Variants in DYNC1I1 observed in about 807,000 individuals in gnomAD.
The protein encoded by DYNC1I1 is dynein cytoplasmic 1 intermediate chain 1.
In DYNC1I1, 43 loss-of-function variants were observed where a neutral mutation model predicts 86.6. The observed-to-expected ratio is 0.50, with a 90% CI of 0.39 to 0.64. DYNC1I1 has a LOEUF of 0.64. DYNC1I1 is among the 30% of genes least tolerant of loss of function. The pLI, the probability that DYNC1I1 is intolerant of heterozygous loss-of-function variation, is 0.00. For synonymous variants in DYNC1I1, 262 were observed against 283.7 expected (o/e 0.92, Z 0.77); for missense variants, 604 against 788.8 (o/e 0.77, Z 2.81).
intron 1 of DYNC1I1, among the ~76,000 whole-genome samples, chr7:95,800,749 A>G (rs985771290): frequency 6.6e-6 from 1 of 152,186 alleles, no homozygotes; most frequent in Admixed American, 6.5e-5. Context: ...GCAGTTTTTT[A>G]TGTGTATGAA....
intron 5 of DYNC1I1, among the ~76,000 whole-genome samples, chr7:95,836,701 G>A (rs2115982414): frequency 6.6e-6 from 1 of 151,944 alleles, no homozygotes; most frequent in East Asian, 1.9e-4. Flanking sequence ...TTCCCTTCTT[G>A]CTTCATTTCA....
chr7:96,043,420 C>G (rs1003261953), intron 14 of DYNC1I1, among the ~76,000 whole-genome samples: 2 of 151,868 alleles, frequency 1.3e-5, no homozygotes, highest in Non-Finnish European at 2.9e-5. Context: ...AATAACACCA[C>G]AGGGATGCAA....
intron 16 of DYNC1I1, among the ~76,000 whole-genome samples, chr7:96,087,017 TAA>T (rs1224556439): frequency 6.6e-6 from 1 of 152,166 alleles, no homozygotes; most frequent in Non-Finnish European, 1.5e-5. Flanking sequence ...TGGCATGTGA[TAA>T]ACTGGAAGTA....
At chr7:96,012,146 G>T (rs1036160442) in intron 10 of DYNC1I1, among the ~76,000 whole-genome samples, 2 of 152,132 alleles carry the variant, frequency 1.3e-5, no homozygotes, top group Admixed American at 6.5e-5. Context: ...TTGACAGAAG[G>T]TATATGGATT....
intron 16 of DYNC1I1, among the ~76,000 whole-genome samples, chr7:96,092,298 T>A (rs1158379110): frequency 6.6e-6 from 1 of 152,070 alleles, no homozygotes; most frequent in Non-Finnish European, 1.5e-5. Context: ...AAAAACAACA[T>A]CATGTATTCA....
intron 6 of DYNC1I1, among the ~76,000 whole-genome samples, chr7:95,941,900 A>G (rs1423228875): frequency 6.6e-6 from 1 of 152,200 alleles, no homozygotes; most frequent in Non-Finnish European, 1.5e-5. Context: ...TGTGTCGCTC[A>G]TGCTGGGAGC....
intron 14 of DYNC1I1, among the ~76,000 whole-genome samples, chr7:96,047,239 A>G (rs1025689909): frequency 6.6e-6 from 1 of 152,082 alleles, no homozygotes; most frequent in African/African-American, 2.4e-5. Context: ...TAATACTATC[A>G]CAGTAGGGAT....
At chr7:96,094,228 C>T (rs916343601) in intron 16 of DYNC1I1, among the ~76,000 whole-genome samples, 4 of 152,114 alleles carry the variant, frequency 2.6e-5, no homozygotes, top group African/African-American at 9.7e-5. Flanking sequence ...AAATGGCACT[C>T]AATCAATGCT....
intron 1 of DYNC1I1, among the ~76,000 whole-genome samples, chr7:95,793,373 CT>C (rs2115731175): frequency 6.6e-6 from 1 of 152,038 alleles, no homozygotes; most frequent in East Asian, 1.9e-4. Flanking sequence ...TTGGACAGGA[CT>C]GGATGAGAGG....
chr7:96,087,431 C>T (rs1790715157), intron 16 of DYNC1I1, among the ~76,000 whole-genome samples: 1 of 152,190 alleles, frequency 6.6e-6, no homozygotes, highest in East Asian at 1.9e-4. Context: ...CTCAGCTTAG[C>T]AAGATCCAGG....
rs150720353 is a variant in DYNC1I1, at chr7:95,899,807, G to A, written c.490+29809G>A. Among the ~76,000 whole-genome samples, 719 of 152,234 alleles carry A rather than the reference G, an allele frequency of 4.7e-3. 5 individuals are homozygous for A. Among genetic ancestry groups the A allele is most frequent in the African/African-American group, 0.016 (661 of 41,556 alleles). ...AGATTTTTTTCTGATCTTAAAGTAA[G>A]TTTTGAATATTTAATTCTTTTCTAT... On this transcript the variant is annotated intron_variant, in intron 6 of 16. Transcript: ENST00000447467.
intron 6 of DYNC1I1, among the ~76,000 whole-genome samples, chr7:95,964,935 A>C (rs558101201): frequency 6.6e-6 from 1 of 152,312 alleles, no homozygotes; most frequent in African/African-American, 2.4e-5. Flanking sequence ...AACATCAATA[A>C]ATGTCCAAGA....
intron 14 of DYNC1I1, among the ~76,000 whole-genome samples, chr7:96,042,233 G>A (rs1789073277): frequency 6.6e-6 from 1 of 152,142 alleles, no homozygotes; most frequent in Non-Finnish European, 1.5e-5. Context: ...GAGATTATCA[G>A]CTTGGTTGAA....
At chr7:95,811,898 A>G (rs1794838986) in intron 3 of DYNC1I1, among the ~76,000 whole-genome samples, 1 of 152,194 alleles carries the variant, frequency 6.6e-6, no homozygotes, top group African/African-American at 2.4e-5. Flanking sequence ...GTTAAATACA[A>G]TAATAGTATG....
chr7:95,837,118 G>A (rs1466083728), intron 5 of DYNC1I1, among the ~76,000 whole-genome samples: 2 of 149,700 alleles, frequency 1.3e-5, no homozygotes, highest in Non-Finnish European at 1.5e-5. Context: ...TTTGGTCTTT[G>A]ATGATGGTGA....
In DYNC1I1 at chr7:96,033,953, T is replaced by A. The variant is rs556837153; in HGVS notation, c.1230+1173T>A. Among the ~76,000 whole-genome samples, 2 of 152,148 alleles carry A rather than the reference T, an allele frequency of 1.3e-5. 1 individual carries two copies. Among genetic ancestry groups the A allele is most frequent in the African/African-American group, 4.8e-5 (2 of 41,524 alleles). On this transcript the variant is annotated intron_variant, in intron 12 of 16. Coordinates refer to ENST00000447467, the MANE Select transcript of DYNC1I1 (RefSeq NM_001135556.2). ...TAAGCCCAGGAGTTCGAGGTTGCAG[T>A]GAACTATTATCACACCACTGCACTC... is the stretch of plus-strand genomic sequence containing the variant.
chr7:95,944,472 T>C (rs1215650425), intron 6 of DYNC1I1, among the ~76,000 whole-genome samples: 8 of 152,194 alleles, frequency 5.3e-5, no homozygotes, highest in African/African-American at 1.7e-4. Context: ...GTGGCGATTC[T>C]TCAGGGATCT....
chr7:95,776,394 C>T (rs906326021), intron 1 of DYNC1I1, among the ~76,000 whole-genome samples: 6 of 152,014 alleles, frequency 3.9e-5, no homozygotes, highest in Non-Finnish European at 7.4e-5. Context: ...TTGGAGGAAC[C>T]TTCTTAAACA....
At position 95,870,087 on chromosome 7, in the gene DYNC1I1, A is replaced by G. The variant is rs535934899; in HGVS notation, c.490+89A>G. 3.5e-5 allele frequency: 40 copies of G among 1,144,060 alleles called. No homozygotes were observed. The East Asian group carries it at 1.0e-3, about 29-fold the overall frequency. The allele number at this position is 1,144,060 out of a possible 1,614,324, so 70.9% of individuals were successfully genotyped here. On this transcript the variant is annotated intron_variant, in intron 6 of 16. Coordinates refer to ENST00000447467, the MANE Select transcript of DYNC1I1 (RefSeq NM_001135556.2). Reference sequence around the variant, plus strand: ...TTTCTTGTTGATTTCCTCTTACCATAAGAGCTCTTCATGGGATACAAACAT... The same window carrying G: ...TTTCTTGTTGATTTCCTCTTACCATGAGAGCTCTTCATGGGATACAAACAT...
Sources: gnomAD v4.1 joint callset for allele counts (sites outside exome capture counted in the v4.1 genomes callset) on GRCh38, gnomAD v4.1.1 for gene constraint, MANE v1.5 for transcripts, NCBI Gene and HGNC (gene_info 2026-07-23, HGNC 2026-07-21) for gene names.